The following COBL variants were observed in gnomAD, a reference collection of about 807,000 sequenced individuals.
COBL encodes the protein protein cordon-bleu.
A neutral mutation model predicts 98.8 loss-of-function variants in COBL; 51 were observed. The ratio of observed to expected loss-of-function variants is 0.52; its 90% CI spans 0.41 to 0.65. COBL has a LOEUF of 0.65. Among genes scored for constraint, COBL ranks in the 30% least tolerant of loss-of-function variants. The pLI is 0.00. For missense variants in COBL, 1,617 were observed against 1,617.5 expected, an observed-to-expected ratio of 1.00 and a Z score of 0.01; for synonymous variants, 634 against 651.7, an observed-to-expected ratio of 0.97 and a Z score of 0.41.
chr7:51,022,272 G>T (rs547137571), intron 12 of COBL, among the ~76,000 whole-genome samples: 1 of 152,128 alleles, frequency 6.6e-6, no homozygotes, highest in African/African-American at 2.4e-5. Context: ...TTTCCAGGGT[G>T]GATAAGGCAG....
intron 2 of COBL, among the ~76,000 whole-genome samples, chr7:51,218,954 T>A (rs1793353945): frequency 6.6e-6 from 1 of 152,210 alleles, no homozygotes. Context: ...TGTTAGTTTT[T>A]TTATTATACA....
chr7:51,295,239 T>C (rs1801312801), intron 1 of COBL, among the ~76,000 whole-genome samples: 2 of 149,964 alleles, frequency 1.3e-5, no homozygotes, highest in African/African-American at 2.5e-5. Context: ...TGAGCTGATA[T>C]CGCACCACTG....
intron 1 of COBL, among the ~76,000 whole-genome samples, chr7:51,312,501 C>T (rs1803154856): frequency 6.6e-6 from 1 of 152,096 alleles, no homozygotes; most frequent in Admixed American, 6.6e-5. Context: ...AGATCAATTA[C>T]AAAATTAAAT....
At chr7:51,033,117 T>C (rs1158014177) in intron 8 of COBL, 1 of 151,838 alleles carries the variant, frequency 6.6e-6, no homozygotes, top group East Asian at 1.9e-4. Context: ...TTTTGCAAAA[T>C]AGCAAAACAA....
intron 12 of COBL, chr7:51,018,414 C>G (rs550808892): frequency 1.3e-5 from 2 of 152,240 alleles, no homozygotes; most frequent in African/African-American, 2.4e-5. Flanking sequence ...CCACCCGGGT[C>G]TGTCTTGACA....
chr7:51,303,169 T>TA (rs1388774943), intron 1 of COBL, among the ~76,000 whole-genome samples: 2 of 152,204 alleles, frequency 1.3e-5, no homozygotes, highest in Non-Finnish European at 2.9e-5. Context: ...GCTTTTACAT[T>TA]CGGATGCAGA....
chr7:51,141,650 A>G (rs1273350235), intron 5 of COBL, among the ~76,000 whole-genome samples: 2 of 145,954 alleles, frequency 1.4e-5, no homozygotes, highest in South Asian at 2.1e-4. Flanking sequence ...TTTTTTTTTT[A>G]AGGCTTTGTT....
At chr7:51,126,386 T>C (rs549292660) in intron 6 of COBL, among the ~76,000 whole-genome samples, 5 of 152,260 alleles carry the variant, frequency 3.3e-5, no homozygotes, top group South Asian at 2.1e-4. Flanking sequence ...CAGCACCGAA[T>C]AGAGCGGCAC....
chr7:51,222,511 A>G (rs137963226), intron 1 of COBL, among the ~76,000 whole-genome samples: 1 of 152,288 alleles, frequency 6.6e-6, no homozygotes, highest in African/African-American at 2.4e-5. Context: ...GACAAACTGA[A>G]GACAATTTGG....
intron 6 of COBL, among the ~76,000 whole-genome samples, chr7:51,094,432 TTGAA>T (rs530378854): frequency 5.7e-4 from 87 of 152,286 alleles, no homozygotes; most frequent in African/African-American, 1.9e-3. Context: ...ATTAGCTTGA[TTGAA>T]TATTTTGACA....
chr7:51,167,929 C>T (rs922839945), intron 5 of COBL, among the ~76,000 whole-genome samples: 3 of 152,146 alleles, frequency 2.0e-5, no homozygotes, highest in Non-Finnish European at 2.9e-5. Flanking sequence ...TGATTTAAGA[C>T]TTAAATCTAA....
intron 2 of COBL, among the ~76,000 whole-genome samples, chr7:51,205,421 C>A (rs536678441): frequency 6.6e-6 from 1 of 151,834 alleles, no homozygotes; most frequent in East Asian, 1.9e-4. Flanking sequence ...GGGAAAGTAC[C>A]ATCTCTTCAA....
At chr7:51,274,230 GCCTTCCCTCCCAAACACA>G (rs1182385925) in intron 1 of COBL, among the ~76,000 whole-genome samples, 2 of 152,046 alleles carry the variant, frequency 1.3e-5, no homozygotes, top group Admixed American at 6.6e-5. Flanking sequence ...TTGCTGCAAC[GCCTTCCCTCCCAAACACA>G]CCTTCCCTCC....
At chr7:51,192,455 A>G (rs957969528) in intron 3 of COBL, among the ~76,000 whole-genome samples, 4 of 152,038 alleles carry the variant, frequency 2.6e-5, no homozygotes, top group African/African-American at 9.7e-5. Flanking sequence ...TAAATACACA[A>G]ATTAGCCGGG....
intron 8 of COBL, among the ~76,000 whole-genome samples, chr7:51,041,321 A>G (rs1789169026): frequency 6.6e-6 from 1 of 152,210 alleles, no homozygotes; most frequent in South Asian, 2.1e-4. Context: ...AATATAAAGT[A>G]TTATTGATAA....
chr7:51,301,730 G>A (rs1019357427), intron 1 of COBL, among the ~76,000 whole-genome samples: 1 of 152,180 alleles, frequency 6.6e-6, no homozygotes, highest in African/African-American at 2.4e-5. Flanking sequence ...ACAGATTCCA[G>A]CGCAGATCCA....
chr7:51,117,201 ATTTAT>A (rs10535435), intron 6 of COBL, among the ~76,000 whole-genome samples: 59,726 of 151,030 alleles, frequency 0.4, 11,919 homozygotes, highest in East Asian at 0.56. Flanking sequence ...TTTTCTTCTT[ATTTAT>A]TTTGATTTGG....
intron 2 of COBL, among the ~76,000 whole-genome samples, chr7:51,198,684 G>A (rs1790820251): frequency 6.6e-6 from 1 of 152,078 alleles, no homozygotes; most frequent in African/African-American, 2.4e-5. Flanking sequence ...ACATAATTAT[G>A]GTTTCCAGAT....
chr7:51,105,533 G>A lies in COBL; in HGVS notation c.958-20229C>T, dbSNP rs539001989. On this transcript the variant is annotated intron_variant, in intron 6 of 12. Transcript: ENST00000265136. ...GGAGGCTGAGGCAAGCAAATCACTTGAGCCCAGGAATTTGAGACCAGCCTG... is the reference window on the plus strand; with the variant it reads ...GGAGGCTGAGGCAAGCAAATCACTTAAGCCCAGGAATTTGAGACCAGCCTG... 8.1e-4 allele frequency among the ~76,000 whole-genome samples: 123 copies of A among 152,306 alleles called. No homozygotes were observed. In the Middle Eastern group the frequency reaches 0.017, roughly 21 times the overall value.
Sources: gnomAD v4.1 joint callset for allele counts (sites outside exome capture counted in the v4.1 genomes callset) on GRCh38, gnomAD v4.1.1 for gene constraint, MANE v1.5 for transcripts, NCBI Gene and HGNC (gene_info 2026-07-23, HGNC 2026-07-21) for gene names.